LHFPL2: variants seen among roughly 807,000 people sequenced by gnomAD.
The protein encoded by LHFPL2 is LHFPL tetraspan subfamily member 2 protein.
Under a neutral mutation model 17.5 loss-of-function variants are expected in LHFPL2, and 7 were observed. The observed-to-expected ratio is 0.40, with a 90% confidence interval of 0.23 to 0.75. LHFPL2 has a LOEUF of 0.75. Among genes scored for constraint, LHFPL2 ranks in the 30% least tolerant of loss-of-function variants. The pLI is 0.37. For synonymous variants in LHFPL2, 134 were observed against 116.2 expected (o/e 1.15, Z -0.99); for missense variants, 241 against 294.8 (o/e 0.82, Z 1.34).
rs769112900 is a variant in LHFPL2, at chr5:78,507,329, T to TA, written c.430+2454dup. On this transcript the variant is annotated intron_variant, in intron 4 of 4. Coordinates refer to ENST00000380345, the MANE Select transcript of LHFPL2 (RefSeq NM_005779.3). ...TGGGCAACAGAATGAGAATCTGTCT[T>TA]AAAAAAAAAAAAGAAAAGAAAAAGA... 7.8e-3 allele frequency among the ~76,000 whole-genome samples: 1,089 copies of TA among 139,430 alleles called. 6 individuals carry two copies. Among genetic ancestry groups the TA allele is most frequent in the African/African-American group, 0.015 (583 of 37,852 alleles). 91.5% of individuals were successfully genotyped at this position (139,430 alleles called of 152,430 possible).
chr5:78,622,325 T>A (rs1308694881), intron 2 of LHFPL2, among the ~76,000 whole-genome samples: 4 of 152,204 alleles, frequency 2.6e-5, no homozygotes, highest in Admixed American at 2.6e-4. Flanking sequence ...GCAGACTCCC[T>A]CCTATTACGA....
chr5:78,537,368 C>T (rs1755980442), intron 3 of LHFPL2, among the ~76,000 whole-genome samples: 2 of 152,282 alleles, frequency 1.3e-5, no homozygotes, highest in South Asian at 2.1e-4. Context: ...TTCTTGCCCC[C>T]CAAAAATGGT....
At chr5:78,631,986 A>C (rs1041885976) in intron 2 of LHFPL2, among the ~76,000 whole-genome samples, 2 of 152,244 alleles carry the variant, frequency 1.3e-5, no homozygotes, top group Non-Finnish European at 1.5e-5. Context: ...CTGGATCTTA[A>C]AGGAGGAAAA....
intron 2 of LHFPL2, among the ~76,000 whole-genome samples, chr5:78,596,272 G>A (rs1189466767): frequency 6.6e-6 from 1 of 152,200 alleles, no homozygotes; most frequent in Non-Finnish European, 1.5e-5. Context: ...GATGCAAGGA[G>A]AAAGGGTCCT....
At chr5:78,527,715 T>C (rs1434189907) in intron 3 of LHFPL2, among the ~76,000 whole-genome samples, 7 of 152,196 alleles carry the variant, frequency 4.6e-5, no homozygotes, top group African/African-American at 1.2e-4. Flanking sequence ...ATTTTCAACT[T>C]GTAATATTAC....
intron 4 of LHFPL2, among the ~76,000 whole-genome samples, chr5:78,501,294 T>G (rs1026953171): frequency 5.3e-5 from 8 of 152,200 alleles, no homozygotes; most frequent in African/African-American, 1.9e-4. Context: ...TTCTTTGAAG[T>G]GAATACATCG....
chr5:78,627,829 T>A (rs1224518564), intron 2 of LHFPL2, among the ~76,000 whole-genome samples: 1 of 152,232 alleles, frequency 6.6e-6, no homozygotes, highest in Admixed American at 6.5e-5. Flanking sequence ...CAAAGGAATT[T>A]GTCCGATGAC....
At chr5:78,494,630 C>G in intron 4 of LHFPL2, 1 of 439,156 alleles carries the variant, frequency 2.3e-6, no homozygotes, top group Non-Finnish European at 3.0e-6. Flanking sequence ...ACAACCTCAC[C>G]GATGGTCATG....
At chr5:78,628,563 C>A (rs537756878) in intron 2 of LHFPL2, among the ~76,000 whole-genome samples, 1 of 152,182 alleles carries the variant, frequency 6.6e-6, no homozygotes, top group Non-Finnish European at 1.5e-5. Flanking sequence ...AGAGTATTGG[C>A]GTCAACTCAG....
chr5:78,621,063 G>A (rs978487100), intron 2 of LHFPL2, among the ~76,000 whole-genome samples: 1 of 151,310 alleles, frequency 6.6e-6, no homozygotes, highest in East Asian at 1.9e-4. Context: ...TGCCTCCCAG[G>A]TAAAACCATC....
At chr5:78,515,259 A>ACCTATTCCACCCCAT (rs1382557631) in intron 3 of LHFPL2, among the ~76,000 whole-genome samples, 1 of 152,054 alleles carries the variant, frequency 6.6e-6, no homozygotes, top group Non-Finnish European at 1.5e-5. Flanking sequence ...TTCCCACCCA[A>ACCTATTCCACCCCAT]CCTATTCCAC....
chr5:78,582,736 G>A (rs1743194174), intron 2 of LHFPL2, among the ~76,000 whole-genome samples: 2 of 152,198 alleles, frequency 1.3e-5, no homozygotes, highest in African/African-American at 4.8e-5. Context: ...TAGGTATGGT[G>A]TGGTGCTGAA....
intron 3 of LHFPL2, among the ~76,000 whole-genome samples, chr5:78,537,676 C>T (rs1328183184): frequency 6.6e-6 from 1 of 152,212 alleles, no homozygotes; most frequent in Non-Finnish European, 1.5e-5. Flanking sequence ...AGAACACTAA[C>T]ATGTGCAAGA....
At chr5:78,569,926 C>T (rs1288607804) in intron 2 of LHFPL2, among the ~76,000 whole-genome samples, 4 of 152,188 alleles carry the variant, frequency 2.6e-5, no homozygotes, top group Admixed American at 6.5e-5. Context: ...CTAGGTACAA[C>T]AGAATAGCCT....
At chr5:78,644,448 C>T (rs1049344630) in intron 1 of LHFPL2, 6 of 635,144 alleles carry the variant, frequency 9.4e-6, no homozygotes, top group Non-Finnish European at 1.7e-5. Flanking sequence ...TGCGGCAGTG[C>T]CCTTCCACAT....
intron 3 of LHFPL2, among the ~76,000 whole-genome samples, chr5:78,538,638 A>C (rs1003996500): frequency 1.3e-5 from 2 of 152,128 alleles, no homozygotes; most frequent in Non-Finnish European, 2.9e-5. Context: ...GTCCAAAATC[A>C]ACAACAACAA....
chr5:78,647,446 G>A (rs1745923711), intron 1 of LHFPL2, among the ~76,000 whole-genome samples: 1 of 152,086 alleles, frequency 6.6e-6, no homozygotes, highest in Non-Finnish European at 1.5e-5. Context: ...ACCTCTCTGG[G>A]GTGAGCCTCT....
At chr5:78,622,691 G>C (rs1483493181) in intron 2 of LHFPL2, among the ~76,000 whole-genome samples, 1 of 152,170 alleles carries the variant, frequency 6.6e-6, no homozygotes, top group Non-Finnish European at 1.5e-5. Flanking sequence ...TTCTTAACTG[G>C]TAAAATATTT....
At chr5:78,619,292 T>C (rs1278368134) in intron 2 of LHFPL2, among the ~76,000 whole-genome samples, 1 of 152,092 alleles carries the variant, frequency 6.6e-6, no homozygotes, top group Non-Finnish European at 1.5e-5. Context: ...CCTCCCAAAG[T>C]GCTGGGATTA....
Sources: allele counts gnomAD v4.1 joint callset (sites outside exome capture counted in the v4.1 genomes callset), GRCh38; gene constraint gnomAD v4.1.1; transcripts MANE v1.5; gene names NCBI Gene and HGNC (gene_info 2026-07-23, HGNC 2026-07-21).